Variants in TACC2 observed in about 807,000 individuals in gnomAD.
TACC2 encodes transforming acidic coiled-coil containing protein 2.
In TACC2, 137 loss-of-function variants were observed where a neutral mutation model predicts 227.3. The observed-to-expected ratio is 0.60, with a 90% CI of 0.52 to 0.69. The LOEUF (loss-of-function observed/expected upper bound fraction) is 0.69. Ranked by LOEUF, TACC2 falls within the 30% of genes least tolerant of loss-of-function variation. The pLI is 0.00. For missense variants in TACC2, 3,470 were observed against 3,694.4 expected, an observed-to-expected ratio of 0.94 and a Z score of 1.57; for synonymous variants, 1,523 against 1,487.5, an observed-to-expected ratio of 1.02 and a Z score of -0.55.
chr10:122,054,383 G>A (rs2076016528), intron 3 of TACC2, among the ~76,000 whole-genome samples: 1 of 152,190 alleles, frequency 6.6e-6, no homozygotes, highest in Non-Finnish European at 1.5e-5. Flanking sequence ...CTGCTCAGCA[G>A]TGTCCATGCC....
chr10:122,080,761 A>G (rs1355359224), intron 3 of TACC2, among the ~76,000 whole-genome samples: 2 of 152,200 alleles, frequency 1.3e-5, no homozygotes, highest in African/African-American at 4.8e-5. Context: ...TCCCTCATGT[A>G]TGAATGCATG....
chr10:122,044,492 C>G (rs2136080708), intron 2 of TACC2, among the ~76,000 whole-genome samples: 1 of 152,282 alleles, frequency 6.6e-6, no homozygotes, highest in Admixed American at 6.5e-5. Flanking sequence ...ATGGGGATGA[C>G]CTTTGGTCTG....
At chr10:122,217,437 C>CTTTTTTTTTTT (rs35233150) in intron 11 of TACC2, among the ~76,000 whole-genome samples, 153 of 93,204 alleles carry the variant, frequency 1.6e-3, no homozygotes, top group Middle Eastern at 7.9e-3. Context: ...TTTCTTTTTT[C>CTTTTTTTTTTT]TTTTTTTTTT....
In TACC2 at chr10:122,250,911, C is replaced by CTT. The variant is rs56383359; in HGVS notation, c.8781+1272_8781+1273dup. ...CATATTACAGATCATTATTTTCATT[C>CTT]TTTTTTTTTTTTTTTTTTTTTTTTT... is the stretch of plus-strand genomic sequence containing the variant. On this transcript the variant is annotated intron_variant, in intron 22 of 22. Coordinates refer to ENST00000369005, the MANE Select transcript of TACC2 (RefSeq NM_206862.4). Among the ~76,000 whole-genome samples the CTT allele has an allele frequency of 1.4e-3, 66 of 47,510 alleles. 4 individuals carry two copies. Among genetic ancestry groups the CTT allele is most frequent in the African/African-American group, 5.1e-3 (65 of 12,764 alleles). The allele number at this position is 47,510 out of a possible 152,430, so 31.2% of individuals were successfully genotyped here. A position where few individuals can be genotyped will look rare whatever the true frequency, so the allele number is the denominator to read the frequency against.
At chr10:122,233,641 C>CAT (rs1182984511) in intron 16 of TACC2, among the ~76,000 whole-genome samples, 1 of 152,218 alleles carries the variant, frequency 6.6e-6, no homozygotes, top group African/African-American at 2.4e-5. Context: ...CATACACACA[C>CAT]ATTGAGCCGA....
intron 6 of TACC2, among the ~76,000 whole-genome samples, chr10:122,140,317 G>A (rs1333656241): frequency 6.6e-6 from 1 of 152,214 alleles, no homozygotes; most frequent in Admixed American, 6.6e-5. Context: ...AAGCGTGGTG[G>A]TTTATATGCT....
intron 5 of TACC2, among the ~76,000 whole-genome samples, chr10:122,108,059 T>C (rs1055482695): frequency 1.3e-4 from 19 of 150,796 alleles, no homozygotes; most frequent in African/African-American, 4.4e-4. Context: ...GCCCGGCTAA[T>C]TTTTTGTATT....
intron 2 of TACC2, among the ~76,000 whole-genome samples, chr10:122,040,054 A>G (rs951585948): frequency 2.0e-5 from 3 of 152,104 alleles, no homozygotes; most frequent in Admixed American, 1.3e-4. Context: ...TTGGGAATGG[A>G]CTCACTTAGG....
chr10:122,230,619 T>G (rs2095719247), intron 16 of TACC2, among the ~76,000 whole-genome samples, 179 bp downstream of exon 16: 1 of 152,226 alleles, frequency 6.6e-6, no homozygotes, highest in African/African-American at 2.4e-5. Context: ...ATAGCTAAGA[T>G]CCATTTAAGT....
intron 7 of TACC2, among the ~76,000 whole-genome samples, chr10:122,149,088 G>C (rs922925702): frequency 4.6e-5 from 7 of 152,202 alleles, no homozygotes; most frequent in Non-Finnish European, 1.0e-4. Flanking sequence ...CTGATAATAA[G>C]AATTTCCAGG....
At chr10:122,077,711 C>T (rs146905477) in intron 3 of TACC2, among the ~76,000 whole-genome samples, 3,425 of 152,312 alleles carry the variant, frequency 0.022, 60 homozygotes, top group Middle Eastern at 0.037. Context: ...TGCACTTGTT[C>T]GGTGAGAGGC....
At chr10:122,119,991 G>A (rs2085423346) in intron 5 of TACC2, among the ~76,000 whole-genome samples, 1 of 152,070 alleles carries the variant, frequency 6.6e-6, no homozygotes, top group African/African-American at 2.4e-5. Context: ...TTGTCCTCCC[G>A]GAGTAATTTC....
chr10:122,226,470 G>A lies in TACC2; in HGVS notation c.7713G>A (p.Thr2571=), dbSNP rs1436479863. ...CCGTCCGCATGTCAGAGTCCCCGACGCCGTGTTCAGGGTATGACTTCCATG... is the reference window on the plus strand; with the variant it reads ...CCGTCCGCATGTCAGAGTCCCCGACACCGTGTTCAGGGTATGACTTCCATG... ...SSPVRMSESP[T]PCSGSSFEET... is the part of the protein sequence containing the mutation. The change falls in exon 13 of 23, where the codon ACG becomes ACA. Residue 2571 remains threonine (T), a synonymous_variant. Coordinates refer to ENST00000369005, the MANE Select transcript of TACC2 (RefSeq NM_206862.4). 11 of 1,612,444 alleles carry A rather than the reference G, an allele frequency of 6.8e-6. No individual in the cohort carries two copies. Among genetic ancestry groups the A allele is most frequent in the East Asian group, 2.2e-5 (1 of 44,852 alleles).
rs1177025630 is a variant in TACC2 at position 122,194,969 on chromosome 10, G to A, written c.5835-71G>A. 4.6e-6 allele frequency: 7 copies of A among 1,518,364 alleles called. No homozygotes were observed. The highest frequency in any genetic ancestry group is 2.3e-5 in the East Asian group (1 of 43,934). 94.1% of individuals were successfully genotyped at this position (1,518,364 alleles called of 1,614,324 possible). A position where few individuals can be genotyped will look rare whatever the true frequency, so the allele number is the denominator to read the frequency against. On this transcript the variant is annotated intron_variant, in intron 7 of 22. Transcript: ENST00000369005. This position sits in a 1 kb window ranked among gnomAD's most constrained non-coding sequence, Gnocchi z 4.4. ...GCCAGAACCCACTGGCTCTGGGTGC[G>A]AAGGCCACACCGGCTCAGCAGAACT...
chr10:122,113,464 T>G (rs1467337539), intron 5 of TACC2, among the ~76,000 whole-genome samples: 2 of 152,204 alleles, frequency 1.3e-5, no homozygotes, highest in Non-Finnish European at 2.9e-5. Context: ...GGAGCCTGGT[T>G]CCCTTGAGTG....
At chr10:122,114,192 AG>A (rs1288834318) in intron 5 of TACC2, among the ~76,000 whole-genome samples, 1 of 152,182 alleles carries the variant, frequency 6.6e-6, no homozygotes, top group Non-Finnish European at 1.5e-5. Flanking sequence ...ATCCTAGGGC[AG>A]TTTCCTGTGC....
rs116640354 is a variant in TACC2 at position 122,153,802 on chromosome 10, C to G, written c.5834+10096C>G. On this transcript the variant is annotated intron_variant, in intron 7 of 22. Coordinates refer to ENST00000369005, the MANE Select transcript of TACC2 (RefSeq NM_206862.4). ...CGGAAGCACAGAGGACTAATAACTT[C>G]TCAGGGTCAGCTTAAGGATGCCAGT... is the stretch of plus-strand genomic sequence containing the variant. 4.7e-3 allele frequency among the ~76,000 whole-genome samples: 722 copies of G among 152,328 alleles called. 5 individuals are homozygous for G. Among genetic ancestry groups the G allele is most frequent in the African/African-American group, 0.016 (646 of 41,568 alleles).
In TACC2 at chr10:122,080,843, T is replaced by G. The variant is rs113257301; in HGVS notation, c.147-1804T>G. ...GAGGAGAATCTTTCCACTAGCCCCC[T>G]CCAGAACGCTGTGGGCTTATGTGTG... On this transcript the variant is annotated intron_variant, in intron 3 of 22. Transcript: ENST00000369005. Among the ~76,000 whole-genome samples, 12 of 152,286 alleles carry G rather than the reference T, an allele frequency of 7.9e-5. 1 individual carries two copies. The highest frequency in any genetic ancestry group is 2.9e-4 in the African/African-American group (12 of 41,552).
chr10:122,101,334 A>T (rs1284432870), intron 5 of TACC2, among the ~76,000 whole-genome samples: 4 of 152,136 alleles, frequency 2.6e-5, no homozygotes, highest in Non-Finnish European at 4.4e-5. Context: ...TCACTATTGG[A>T]AGGAGTCCCC....
Sources: allele counts gnomAD v4.1 joint callset (sites outside exome capture counted in the v4.1 genomes callset), GRCh38; gene constraint gnomAD v4.1.1; non-coding constraint Gnocchi (gnomAD v3.1); transcripts MANE v1.5; gene names NCBI Gene and HGNC (gene_info 2026-07-23, HGNC 2026-07-21).